Variants in KHDRBS2 observed in about 807,000 individuals in gnomAD.
KHDRBS2 encodes the protein KH domain-containing, RNA-binding, signal transduction-associated protein 2.
In KHDRBS2, 26 loss-of-function variants were observed where a neutral mutation model predicts 44.3. The observed-to-expected ratio is 0.59, with a 90% confidence interval of 0.43 to 0.81. The LOEUF is 0.81. KHDRBS2 is among the 40% of genes least tolerant of loss of function. KHDRBS2 has a pLI of 0.00. For missense variants in KHDRBS2, 476 were observed against 433.1 expected (o/e 1.10, Z -0.88); for synonymous variants, 194 against 151.1 (o/e 1.28, Z -2.08).
intron 3 of KHDRBS2, among the ~76,000 whole-genome samples, chr6:61,996,793 C>A (rs1385796768): frequency 6.8e-6 from 1 of 147,084 alleles, no homozygotes; most frequent in South Asian, 2.2e-4. Flanking sequence ...CTCCCCCCCT[C>A]ACCCCCCCGA....
chr6:61,980,644 A>G (rs1197793034), intron 3 of KHDRBS2, among the ~76,000 whole-genome samples: 1 of 152,174 alleles, frequency 6.6e-6, no homozygotes, highest in Non-Finnish European at 1.5e-5. Context: ...AAAGTTACTT[A>G]GGAGTCCAGT....
chr6:61,600,724 G>A, the KHDRBS2 span, among the ~76,000 whole-genome samples: 8 of 152,198 alleles, frequency 5.3e-5, no homozygotes, highest in South Asian at 2.1e-4. Flanking sequence ...ATCCGTCTAC[G>A]ACTTCTGGTC....
At chr6:61,762,317 A>G (rs1779381695) in intron 6 of KHDRBS2, among the ~76,000 whole-genome samples, 1 of 152,276 alleles carries the variant, frequency 6.6e-6, no homozygotes, top group South Asian at 2.1e-4. Context: ...GCATATCCCA[A>G]ACAGAACAGG....
chr6:62,034,826 G>A (rs1784990653), intron 3 of KHDRBS2, among the ~76,000 whole-genome samples: 1 of 149,944 alleles, frequency 6.7e-6, no homozygotes, highest in Admixed American at 6.7e-5. Flanking sequence ...ATGTCCAAAA[G>A]ATCAGAATAT....
At chr6:62,061,202 T>G (rs928574254) in intron 2 of KHDRBS2, among the ~76,000 whole-genome samples, 2 of 151,782 alleles carry the variant, frequency 1.3e-5, no homozygotes, top group African/African-American at 4.8e-5. Flanking sequence ...ATGTGTGAAT[T>G]TGATCCTGTC....
intron 6 of KHDRBS2, among the ~76,000 whole-genome samples, chr6:61,764,538 T>A (rs959166759): frequency 6.6e-6 from 1 of 152,200 alleles, no homozygotes; most frequent in Admixed American, 6.5e-5. Flanking sequence ...TGCCAGCATC[T>A]GTTGTTTCTT....
chr6:61,776,282 T>C (rs570076684), intron 6 of KHDRBS2, among the ~76,000 whole-genome samples: 1 of 152,128 alleles, frequency 6.6e-6, no homozygotes, highest in African/African-American at 2.4e-5. Context: ...AAAGCCAAAA[T>C]TGACAAATGG....
intron 6 of KHDRBS2, among the ~76,000 whole-genome samples, chr6:61,801,992 G>A (rs1786353822): frequency 6.6e-6 from 1 of 152,112 alleles, no homozygotes; most frequent in Non-Finnish European, 1.5e-5. Flanking sequence ...CAGATCCAGA[G>A]CATGGGAAGG....
At chr6:61,807,787 T>C (rs1743453) in intron 6 of KHDRBS2, among the ~76,000 whole-genome samples, 42,895 of 151,868 alleles carry the variant, frequency 0.28, 6,264 homozygotes, top group South Asian at 0.35. Flanking sequence ...AGTTTATCTA[T>C]GTAACAAAGC....
At chr6:61,864,048 C>T (rs1024472126) in intron 6 of KHDRBS2, among the ~76,000 whole-genome samples, 1 of 152,064 alleles carries the variant, frequency 6.6e-6, no homozygotes, top group Non-Finnish European at 1.5e-5. Context: ...TAATTCCCTT[C>T]TTTGTCTCCT....
At chr6:61,966,444 A>T (rs1232604539) in intron 4 of KHDRBS2, among the ~76,000 whole-genome samples, 2 of 151,932 alleles carry the variant, frequency 1.3e-5, no homozygotes, top group Admixed American at 6.6e-5. Context: ...CTCATCTTTG[A>T]TCCATGAATG....
intron 3 of KHDRBS2, among the ~76,000 whole-genome samples, chr6:61,990,345 A>AT (rs969548616): frequency 4.7e-4 from 71 of 152,342 alleles, no homozygotes; most frequent in African/African-American, 1.7e-3. Flanking sequence ...GGCAATAATA[A>AT]TTTTTTAAAA....
intron 7 of KHDRBS2, among the ~76,000 whole-genome samples, chr6:61,710,506 G>A (rs1770319048): frequency 6.6e-6 from 1 of 151,554 alleles, no homozygotes; most frequent in Non-Finnish European, 1.5e-5. Flanking sequence ...CCTCTTCCCT[G>A]TCACTTCTCT....
the KHDRBS2 span, among the ~76,000 whole-genome samples, chr6:61,644,777 G>T: frequency 5.3e-5 from 8 of 152,150 alleles, no homozygotes; most frequent in African/African-American, 1.9e-4. Flanking sequence ...ATACTAGTCA[G>T]GATGGCTATT....
chr6:62,040,194 A>G (rs1464052263), intron 3 of KHDRBS2, among the ~76,000 whole-genome samples: 7 of 152,164 alleles, frequency 4.6e-5, no homozygotes, highest in Middle Eastern at 3.4e-3. Context: ...AATACAATAC[A>G]ATACAATACA....
chr6:61,832,399 T>A (rs1222445217), intron 6 of KHDRBS2, among the ~76,000 whole-genome samples: 1 of 152,174 alleles, frequency 6.6e-6, no homozygotes, highest in Admixed American at 6.5e-5. Context: ...TCTTGTCTTG[T>A]GTGTGTCTGA....
intron 4 of KHDRBS2, among the ~76,000 whole-genome samples, chr6:61,939,096 T>C (rs1811610766): frequency 6.6e-6 from 1 of 150,380 alleles, no homozygotes; most frequent in Non-Finnish European, 1.5e-5. Flanking sequence ...GCTGCTAACA[T>C]AGCCTACAGT....
chr6:62,143,150 T>C (rs1813215183), intron 2 of KHDRBS2, among the ~76,000 whole-genome samples: 1 of 151,892 alleles, frequency 6.6e-6, no homozygotes, highest in Non-Finnish European at 1.5e-5. Context: ...AAAACTACAG[T>C]AACGTTTCTG....
At chr6:61,743,871 C>G (rs1297700787) in intron 6 of KHDRBS2, among the ~76,000 whole-genome samples, 5 of 145,548 alleles carry the variant, frequency 3.4e-5, no homozygotes, top group African/African-American at 1.3e-4. Flanking sequence ...TGAGTGAGAA[C>G]ATGCGGTGTT....
Sources: allele counts gnomAD v4.1 joint callset (sites outside exome capture counted in the v4.1 genomes callset), GRCh38; gene constraint gnomAD v4.1.1; transcripts MANE v1.5; gene names NCBI Gene and HGNC (gene_info 2026-07-23, HGNC 2026-07-21).